The following MAGI3 variants were observed in gnomAD, a reference collection of about 807,000 sequenced individuals.
The protein encoded by MAGI3 is membrane associated guanylate kinase, WW and PDZ domain containing 3.
MAGI3 carries 43 observed loss-of-function variants against 121.8 expected under a neutral mutation model. The ratio of observed to expected loss-of-function variants is 0.35; its 90% CI spans 0.28 to 0.46. MAGI3 has a LOEUF of 0.46. MAGI3 is among the 20% of genes least tolerant of loss of function. MAGI3 has a pLI of 1.00. For missense variants in MAGI3, 1,547 were observed against 1,797.3 expected, an observed-to-expected ratio of 0.86 and a Z score of 2.52; for synonymous variants, 553 against 639.3, an observed-to-expected ratio of 0.86 and a Z score of 2.04.
In MAGI3 at chr1:113,671,782, C is replaced by T. The variant is rs1557885046; in HGVS notation, c.2864C>T (p.Ala955Val). ...SGTNSARQSP[A>V]LQHRPMGQSQ... is the part of the protein sequence containing the mutation. ...ACAAACTCAGCCAGGCAAAGCCCAG[C>T]CCTGCAGCACAGGCCCATGGGACAG... The change falls in exon 17 of 21, where the codon GCC (alanine) becomes GTC (valine). Residue 955 changes from alanine (A) to valine (V), a missense_variant. Transcript: ENST00000307546. 2.5e-6 allele frequency: 4 copies of T among 1,614,234 alleles called. No homozygotes were observed. The highest frequency in any genetic ancestry group is 3.4e-6 in the Non-Finnish European group (4 of 1,180,028).
At chr1:113,514,526 C>CTTTT (rs1256476075) in intron 1 of MAGI3, among the ~76,000 whole-genome samples, 1 of 148,750 alleles carries the variant, frequency 6.7e-6, no homozygotes, top group African/African-American at 2.5e-5. Context: ...ATCGCAAGAA[C>CTTTT]AAAAAACCAA....
chr1:113,550,529 G>A (rs1659735025), intron 2 of MAGI3, among the ~76,000 whole-genome samples: 1 of 151,868 alleles, frequency 6.6e-6, no homozygotes. Context: ...GCTGAGGTGG[G>A]CAGATCACCT....
intron 1 of MAGI3, among the ~76,000 whole-genome samples, chr1:113,424,157 C>A (rs1330662111): frequency 6.6e-6 from 1 of 152,120 alleles, no homozygotes; most frequent in Non-Finnish European, 1.5e-5. Flanking sequence ...TGTTCCTAGC[C>A]CCTGCCAGCT....
chr1:113,568,509 G>T (rs559062561), intron 2 of MAGI3, among the ~76,000 whole-genome samples: 14 of 152,062 alleles, frequency 9.2e-5, no homozygotes, highest in African/African-American at 2.2e-4. Flanking sequence ...ATATGGACAG[G>T]CTTTGAATAC....
rs1652570416 is a variant in MAGI3 at position 113,642,023 on chromosome 1, T to C, written c.1473T>C (p.Cys491=). The C allele has an allele frequency of 1.2e-6, 2 of 1,614,220 alleles. No individual in the cohort carries two copies. The highest frequency in any genetic ancestry group is 4.5e-5 in the East Asian group (2 of 44,892). ...ATCAGTATGTAAACCTCACTTTATG[T>C]CGTGGTTATCCACTTCCTGATGACA... The part of the protein sequence containing the change: ...PVNQYVNLTL[C]RGYPLPDDSE... The change falls in exon 10 of 21, where the codon TGT becomes TGC. Residue 491 remains cysteine, a synonymous_variant. Transcript: ENST00000307546.
intron 1 of MAGI3, among the ~76,000 whole-genome samples, chr1:113,494,169 C>T (rs745756073): frequency 4.6e-5 from 7 of 152,074 alleles, no homozygotes; most frequent in Non-Finnish European, 1.0e-4. Context: ...TACACCATGG[C>T]ATTCTAAGCG....
intron 2 of MAGI3, among the ~76,000 whole-genome samples, chr1:113,572,893 G>C (rs1331472816): frequency 6.6e-6 from 1 of 151,232 alleles, no homozygotes; most frequent in Non-Finnish European, 1.5e-5. Context: ...ATCATCTTCA[G>C]TTCTGCTTTG....
intron 1 of MAGI3, among the ~76,000 whole-genome samples, chr1:113,392,405 A>G (rs1349871981): frequency 6.6e-6 from 1 of 152,220 alleles, no homozygotes; most frequent in Non-Finnish European, 1.5e-5. Flanking sequence ...GTAGCAGTCC[A>G]TCCCTTGATG....
chr1:113,635,773 A>G (rs1424969458), intron 9 of MAGI3, among the ~76,000 whole-genome samples: 41 of 151,746 alleles, frequency 2.7e-4, no homozygotes, highest in Non-Finnish European at 4.7e-4. Flanking sequence ...CTCTTTTTCT[A>G]TTGATTGGAA....
intron 1 of MAGI3, chr1:113,450,604 T>C (rs1003262046): frequency 2.7e-6 from 3 of 1,094,340 alleles, no homozygotes; most frequent in Non-Finnish European, 4.2e-6. Context: ...GAAATTATAG[T>C]GGACAACAGC....
intron 2 of MAGI3, among the ~76,000 whole-genome samples, chr1:113,576,469 C>T (rs755590658): frequency 1.3e-5 from 2 of 152,120 alleles, no homozygotes; most frequent in Non-Finnish European, 2.9e-5. Context: ...TGCTTCTGCT[C>T]ACCCTCCGCG....
At chr1:113,648,201 C>T (rs1424631573) in intron 12 of MAGI3, among the ~76,000 whole-genome samples, 1 of 152,052 alleles carries the variant, frequency 6.6e-6, no homozygotes, top group African/African-American at 2.4e-5. Flanking sequence ...CTTTTAATCT[C>T]TAAAGTTCTA....
At chr1:113,514,831 C>T (rs1657806526) in intron 1 of MAGI3, among the ~76,000 whole-genome samples, 1 of 152,012 alleles carries the variant, frequency 6.6e-6, no homozygotes, top group South Asian at 2.1e-4. Flanking sequence ...ACCACAAATC[C>T]AAATTCCAAT....
At chr1:113,521,363 G>C (rs1420613332) in intron 1 of MAGI3, among the ~76,000 whole-genome samples, 4 of 151,354 alleles carry the variant, frequency 2.6e-5, no homozygotes, top group Non-Finnish European at 4.4e-5. Flanking sequence ...TGGGATTACA[G>C]GTGTGAGCCA....
chr1:113,509,355 CTTTTT>C (rs763952179), intron 1 of MAGI3, among the ~76,000 whole-genome samples: 2 of 126,648 alleles, frequency 1.6e-5, no homozygotes, highest in African/African-American at 5.5e-5. Context: ...ATTATCTTTT[CTTTTT>C]TTTTTTTTGT....
intron 1 of MAGI3, among the ~76,000 whole-genome samples, chr1:113,459,261 C>T (rs1472703421): frequency 1.3e-5 from 2 of 152,098 alleles, no homozygotes; most frequent in Non-Finnish European, 1.5e-5. Context: ...TGAGAATGAT[C>T]GATTTAATGA....
At chr1:113,642,944 GA>G (rs1652631145) in intron 10 of MAGI3, among the ~76,000 whole-genome samples, 1 of 152,230 alleles carries the variant, frequency 6.6e-6, no homozygotes, top group Non-Finnish European at 1.5e-5. Context: ...CATCTCTGTG[GA>G]TAAGTAAAAT....
intron 1 of MAGI3, among the ~76,000 whole-genome samples, chr1:113,392,962 G>C (rs1032393875): frequency 2.0e-5 from 3 of 152,096 alleles, no homozygotes; most frequent in African/African-American, 7.2e-5. Context: ...TCATTTCTTT[G>C]TGTTTTGTTT....
At chr1:113,646,683 A>G in intron 12 of MAGI3, 41 bp downstream of exon 12, 3 of 1,456,574 alleles carry the variant, frequency 2.1e-6, no homozygotes, top group Non-Finnish European at 2.8e-6. Context: ...ATATAACAAG[A>G]TAAATTTGGA....
Sources: gnomAD v4.1 joint callset for allele counts (sites outside exome capture counted in the v4.1 genomes callset) on GRCh38, gnomAD v4.1.1 for gene constraint, MANE v1.5 for transcripts, NCBI Gene and HGNC (gene_info 2026-07-23, HGNC 2026-07-21) for gene names.